The following SRBD1 variants were observed in gnomAD, a reference collection of about 807,000 sequenced individuals.
SRBD1 encodes S1 RNA-binding domain-containing protein 1.
SRBD1 carries 88 observed loss-of-function variants against 115.3 expected under a neutral mutation model. That is an observed-to-expected ratio of 0.76 (90% CI 0.64 to 0.91). The LOEUF (loss-of-function observed/expected upper bound fraction) is 0.91, where lower values mean the gene tolerates loss of function less well. SRBD1 is among the 40% of genes least tolerant of loss of function. The pLI is 0.00. For synonymous variants in SRBD1, 509 were observed against 407.7 expected, an observed-to-expected ratio of 1.25 and a Z score of -2.99; for missense variants, 1,385 against 1,177.4, an observed-to-expected ratio of 1.18 and a Z score of -2.58.
chr2:45,494,662 C>T (rs1670401320), intron 14 of SRBD1, among the ~76,000 whole-genome samples: 1 of 152,148 alleles, frequency 6.6e-6, no homozygotes, highest in South Asian at 2.1e-4. Context: ...TTTTACTTGG[C>T]CTCCCAAGTT....
intron 7 of SRBD1, among the ~76,000 whole-genome samples, chr2:45,575,426 C>T (rs1183861716): frequency 1.3e-5 from 2 of 152,212 alleles, no homozygotes; most frequent in Non-Finnish European, 2.9e-5. Flanking sequence ...ATCATTTGCA[C>T]TGCTTTGTTT....
intron 18 of SRBD1, among the ~76,000 whole-genome samples, chr2:45,414,550 C>A (rs62127098): frequency 1.4e-5 from 2 of 144,748 alleles, no homozygotes; most frequent in Admixed American, 6.9e-5. Flanking sequence ...CACATAGTGT[C>A]TGTAGTGTGT....
In SRBD1 at chr2:45,405,770, C is replaced by T. The variant is rs897135458; in HGVS notation, c.2513+7344G>A. On this transcript the variant is annotated intron_variant, in intron 19 of 20. Transcript: ENST00000263736. Reference sequence around the variant, plus strand: ...AGAATGGGTAAAAGAGACGACTGGTCATTAGTTGAGAGAATAATTTCAGAA... The same window carrying T: ...AGAATGGGTAAAAGAGACGACTGGTTATTAGTTGAGAGAATAATTTCAGAA... Among the ~76,000 whole-genome samples the T allele has an allele frequency of 1.4e-3, 66 of 46,598 alleles. 1 individual carries two copies. The highest frequency in any genetic ancestry group is 5.3e-3 in the African/African-American group (66 of 12,362). The allele number at this position is 46,598 out of a possible 152,430, so 30.6% of individuals were successfully genotyped here.
At chr2:45,560,768 T>C (rs928802485) in intron 10 of SRBD1, among the ~76,000 whole-genome samples, 8 of 152,090 alleles carry the variant, frequency 5.3e-5, no homozygotes, top group African/African-American at 9.7e-5. Context: ...TTTCCTTTCA[T>C]TGGAATTTAT....
intron 10 of SRBD1, among the ~76,000 whole-genome samples, chr2:45,560,624 T>C (rs745686734): frequency 1.3e-5 from 2 of 152,222 alleles, no homozygotes; most frequent in Non-Finnish European, 2.9e-5. Context: ...GTAATATAAC[T>C]GGAATTCAAA....
intron 16 of SRBD1, among the ~76,000 whole-genome samples, chr2:45,467,874 C>G (rs1318845723): frequency 6.6e-6 from 1 of 152,144 alleles, no homozygotes; most frequent in East Asian, 1.9e-4. Flanking sequence ...CTAAAACCAA[C>G]TGAAAGCCAA....
intron 19 of SRBD1, among the ~76,000 whole-genome samples, chr2:45,397,238 T>C (rs1667171987): frequency 6.6e-6 from 1 of 152,218 alleles, no homozygotes; most frequent in Admixed American, 6.5e-5. Context: ...CTATGTAAAC[T>C]GTGGGACATA....
intron 15 of SRBD1, among the ~76,000 whole-genome samples, chr2:45,482,828 A>C (rs1670007693): frequency 1.3e-5 from 2 of 152,102 alleles, no homozygotes; most frequent in Admixed American, 1.3e-4. Context: ...TATAAAATGG[A>C]GTACCATTTG....
At chr2:45,498,644 A>G (rs1670533401) in intron 14 of SRBD1, among the ~76,000 whole-genome samples, 1 of 152,090 alleles carries the variant, frequency 6.6e-6, no homozygotes, top group Admixed American at 6.5e-5. Context: ...TATTCCTTCT[A>G]TATAACTTCT....
intron 9 of SRBD1, 46 bp downstream of exon 9, chr2:45,573,161 T>G (rs1425996209): frequency 6.6e-7 from 1 of 1,526,244 alleles, no homozygotes; most frequent in Admixed American, 2.3e-5. Context: ...TCCAAAATAT[T>G]ATCATTATTA....
chr2:45,478,546 T>C (rs1233259790), intron 15 of SRBD1, among the ~76,000 whole-genome samples: 2 of 152,196 alleles, frequency 1.3e-5, no homozygotes, highest in African/African-American at 4.8e-5. Flanking sequence ...ACATAAACCT[T>C]TATTATTTAA....
At chr2:45,504,435 C>T (rs938422979) in intron 14 of SRBD1, among the ~76,000 whole-genome samples, 1 of 151,932 alleles carries the variant, frequency 6.6e-6, no homozygotes, top group African/African-American at 2.4e-5. Context: ...CAAATTACAC[C>T]AAATTAGACT....
chr2:45,393,099 A>G lies in SRBD1; in HGVS notation c.2544T>C (p.Tyr848=), dbSNP rs1324343776. The G allele has an allele frequency of 6.2e-7, 1 of 1,612,752 alleles. No individual in the cohort carries two copies. Residue 848 remains tyrosine (Y), a synonymous_variant, in exon 20 of 21, where the codon TAT becomes TAC. Coordinates refer to ENST00000263736, the MANE Select transcript of SRBD1 (RefSeq NM_018079.5). ...GTTGCATTTCAGGCTTTCCAACCTC[A>G]TACAGTGTCCCTCCAATGGATGACA... ...RFLSSIGGTL[Y]EVGKPEMQQK... is the part of the protein sequence containing the mutation.
intron 19 of SRBD1, among the ~76,000 whole-genome samples, chr2:45,405,414 G>A (rs1413826355): frequency 2.0e-5 from 3 of 152,102 alleles, no homozygotes; most frequent in Non-Finnish European, 4.4e-5. Flanking sequence ...GGTGGTACAA[G>A]TTTCAATTTT....
At chr2:45,561,261 C>CT (rs1376176759) in intron 10 of SRBD1, among the ~76,000 whole-genome samples, 2 of 152,220 alleles carry the variant, frequency 1.3e-5, no homozygotes, top group Non-Finnish European at 2.9e-5. Context: ...AACTTCAGCT[C>CT]TATTTCCACT....
At chr2:45,398,950 T>G (rs1667221290) in intron 19 of SRBD1, among the ~76,000 whole-genome samples, 1 of 152,212 alleles carries the variant, frequency 6.6e-6, no homozygotes, top group Non-Finnish European at 1.5e-5. Flanking sequence ...ATGTTGCTAT[T>G]ATTGCTCCAA....
At chr2:45,434,939 G>A (rs2103687111) in intron 16 of SRBD1, among the ~76,000 whole-genome samples, 1 of 150,080 alleles carries the variant, frequency 6.7e-6, no homozygotes, top group South Asian at 2.1e-4. Flanking sequence ...CCCCACGACA[G>A]GCCCCGGTGT....
intron 14 of SRBD1, among the ~76,000 whole-genome samples, chr2:45,516,739 TA>T (rs1046821954): frequency 1.3e-5 from 2 of 152,166 alleles, no homozygotes; most frequent in Non-Finnish European, 2.9e-5. Context: ...TATTGCTTTT[TA>T]AAAAAAGCTA....
At chr2:45,441,926 C>T (rs4455206) in intron 16 of SRBD1, among the ~76,000 whole-genome samples, 1 of 152,044 alleles carries the variant, frequency 6.6e-6, no homozygotes, top group Non-Finnish European at 1.5e-5. Flanking sequence ...CATGCCAATA[C>T]TTTCTGGGTA....
Sources: gnomAD v4.1 joint callset for allele counts (sites outside exome capture counted in the v4.1 genomes callset) on GRCh38, gnomAD v4.1.1 for gene constraint, MANE v1.5 for transcripts, NCBI Gene and HGNC (gene_info 2026-07-23, HGNC 2026-07-21) for gene names.